RNF115: variants seen among roughly 807,000 people sequenced by gnomAD.
The protein encoded by RNF115 is ring finger protein 115.
In RNF115, 31 loss-of-function variants were observed where a neutral mutation model predicts 39.2. That is an observed-to-expected ratio of 0.79 (90% CI 0.59 to 1.07). The LOEUF is 1.07. RNF115 is among the 50% of genes least tolerant of loss of function. The pLI is 0.00. For synonymous variants in RNF115, 124 were observed against 131.0 expected (o/e 0.95, Z 0.37); for missense variants, 384 against 381.7 (o/e 1.01, Z -0.05).
rs781932103 is a variant in RNF115 at position 145,746,885 on chromosome 1, T to C, written c.896A>G (p.His299Arg). 6.2e-6 allele frequency: 10 copies of C among 1,614,146 alleles called. No individual in the cohort carries two copies. Among genetic ancestry groups the C allele is most frequent in the Admixed American group, 3.3e-5 (2 of 60,020 alleles). ...SNRFSNDSQLHDRWTF is the reference protein window; with the variant it reads ...SNRFSNDSQLRDRWTF ...TTAGCTTCAGAAAGTCCATCGGTCA[T>C]GTAGCTGACTGTCATTGCTAAATCT... is the stretch of plus-strand genomic sequence containing the variant. Residue 299 changes from histidine to arginine, a missense_variant, in exon 9 of 9, where the codon CAT becomes CGT. Physicochemically the swap from His to Arg is conservative, Grantham distance 29. Transcript: ENST00000582693.
At chr1:145,779,545 A>G (rs1648030267) in intron 3 of RNF115, among the ~76,000 whole-genome samples, 2 of 152,236 alleles carry the variant, frequency 1.3e-5, no homozygotes, top group African/African-American at 4.8e-5. Flanking sequence ...TTTTAGAGGC[A>G]GAAATACAAT....
intron 4 of RNF115, among the ~76,000 whole-genome samples, chr1:145,754,579 C>T (rs1237699289): frequency 2.6e-5 from 4 of 152,064 alleles, no homozygotes; most frequent in Admixed American, 6.6e-5. Context: ...TCAAGTAATC[C>T]GCCCGCCTTG....
At chr1:145,804,803 A>T (rs1229214315) in intron 1 of RNF115, among the ~76,000 whole-genome samples, 1 of 152,202 alleles carries the variant, frequency 6.6e-6, no homozygotes, top group Non-Finnish European at 1.5e-5. Flanking sequence ...CAGAACCATT[A>T]ATATGCCATT....
chr1:145,757,096 A>G (rs1658327510), intron 4 of RNF115, among the ~76,000 whole-genome samples: 1 of 152,060 alleles, frequency 6.6e-6, no homozygotes, highest in Non-Finnish European at 1.5e-5. Flanking sequence ...TTGGCCTCCC[A>G]AAGTGCTGAG....
intron 1 of RNF115, among the ~76,000 whole-genome samples, chr1:145,811,249 C>A (rs1553722463): frequency 6.6e-6 from 1 of 150,556 alleles, no homozygotes; most frequent in African/African-American, 2.4e-5. Flanking sequence ...GGGGCAGATG[C>A]AGTGGCTCAC....
At chr1:145,763,826 A>C (rs868967463) in intron 4 of RNF115, among the ~76,000 whole-genome samples, 9 of 152,210 alleles carry the variant, frequency 5.9e-5, no homozygotes, top group Admixed American at 5.2e-4. Context: ...TGTTGACCTA[A>C]CACAAAGGAA....
intron 7 of RNF115, among the ~76,000 whole-genome samples, 175 bp from the exon 8 acceptor site, chr1:145,748,285 G>T (rs907649451): frequency 6.6e-6 from 1 of 152,112 alleles, no homozygotes; most frequent in African/African-American, 2.4e-5. Flanking sequence ...CAAAATGAGG[G>T]TAAAGGTGGT....
At chr1:145,818,166 G>A (rs1650073813) in intron 1 of RNF115, among the ~76,000 whole-genome samples, 1 of 151,862 alleles carries the variant, frequency 6.6e-6, no homozygotes, top group Admixed American at 6.6e-5. Flanking sequence ...AGTTCTTTGG[G>A]AAATCAAACT....
intron 5 of RNF115, 80 bp from the exon 6 acceptor site, chr1:145,751,590 GA>G (rs1658092867): frequency 1.1e-6 from 1 of 894,824 alleles, no homozygotes; most frequent in East Asian, 2.8e-5. Context: ...TTGGCAGAGG[GA>G]TCCTGTTCTC....
intron 1 of RNF115, among the ~76,000 whole-genome samples, chr1:145,819,800 G>A (rs1308274011): frequency 2.0e-5 from 3 of 152,340 alleles, no homozygotes; most frequent in Non-Finnish European, 2.9e-5. Flanking sequence ...CACTTTGGGG[G>A]GCCAAGGCAG....
chr1:145,789,803 G>A (rs183426842), intron 1 of RNF115, among the ~76,000 whole-genome samples: 61 of 146,514 alleles, frequency 4.2e-4, no homozygotes, highest in African/African-American at 1.3e-3. Context: ...TCCACCTCCT[G>A]GGTTTAAGTG....
chr1:145,808,152 TG>T (rs1364687587), intron 1 of RNF115, among the ~76,000 whole-genome samples: 1 of 152,208 alleles, frequency 6.6e-6, no homozygotes, highest in African/African-American at 2.4e-5. Flanking sequence ...ACAATGAACA[TG>T]GAAGTGCAAG....
chr1:145,804,252 T>C (rs1029187017), intron 1 of RNF115, among the ~76,000 whole-genome samples: 18 of 152,226 alleles, frequency 1.2e-4, no homozygotes, highest in African/African-American at 4.3e-4. Context: ...GTATATGCTC[T>C]GATAAAATCA....
At chr1:145,823,688 T>G in intron 1 of RNF115, 84 bp downstream of exon 1, 1 of 1,096,854 alleles carries the variant, frequency 9.1e-7, no homozygotes, top group Non-Finnish European at 1.3e-6. Flanking sequence ...GTCAATGATG[T>G]GCAGAAAGCT....
chr1:145,790,815 G>C (rs1260014533), intron 1 of RNF115, among the ~76,000 whole-genome samples: 1 of 152,018 alleles, frequency 6.6e-6, no homozygotes, highest in African/African-American at 2.4e-5. Context: ...TATCAACGCA[G>C]TAAAACATTA....
intron 2 of RNF115, 125 bp downstream of exon 2, chr1:145,788,783 C>G: frequency 1.3e-6 from 1 of 761,980 alleles, no homozygotes; most frequent in South Asian, 1.4e-5. Flanking sequence ...CTCACTCTCT[C>G]TCTCTCACTC....
At chr1:145,762,820 T>C (rs1279316006) in intron 4 of RNF115, among the ~76,000 whole-genome samples, 4 of 152,164 alleles carry the variant, frequency 2.6e-5, no homozygotes, top group African/African-American at 9.7e-5. Flanking sequence ...ACATATTCTT[T>C]ACATAGCCAT....
intron 3 of RNF115, 89 bp downstream of exon 3, chr1:145,784,450 T>G: frequency 8.7e-7 from 1 of 1,148,192 alleles, no homozygotes; most frequent in Non-Finnish European, 1.3e-6. Context: ...TAAACTCTGA[T>G]GTTGTGCCAC....
chr1:145,808,776 T>C (rs1649568383), intron 1 of RNF115, among the ~76,000 whole-genome samples: 1 of 152,192 alleles, frequency 6.6e-6, no homozygotes, highest in Non-Finnish European at 1.5e-5. Flanking sequence ...TGCTAATACC[T>C]GTAAACATTT....
Sources: allele counts gnomAD v4.1 joint callset (sites outside exome capture counted in the v4.1 genomes callset), GRCh38; gene constraint gnomAD v4.1.1; transcripts MANE v1.5; gene names NCBI Gene and HGNC (gene_info 2026-07-23, HGNC 2026-07-21).